The following LAMA4 variants were observed in gnomAD, a reference collection of about 807,000 sequenced individuals.
The protein encoded by LAMA4 is laminin subunit alpha 4.
A neutral mutation model predicts 207.1 loss-of-function variants in LAMA4; 127 were observed. That is an observed-to-expected ratio of 0.61 (90% CI 0.53 to 0.71). The LOEUF is 0.71. Among genes scored for constraint, LAMA4 ranks in the 30% least tolerant of loss-of-function variants. The pLI is 0.00. For missense variants in LAMA4, 2,093 were observed against 2,246.5 expected, an observed-to-expected ratio of 0.93 and a Z score of 1.38; for synonymous variants, 761 against 816.0, an observed-to-expected ratio of 0.93 and a Z score of 1.15.
intron 2 of LAMA4, among the ~76,000 whole-genome samples, chr6:112,230,998 G>A (rs1785527172): frequency 6.6e-6 from 1 of 152,216 alleles, no homozygotes; most frequent in South Asian, 2.1e-4. Flanking sequence ...GCTTCTTGAT[G>A]AGGATGATGA....
chr6:112,173,641 G>A (rs1008981745), intron 11 of LAMA4, among the ~76,000 whole-genome samples: 1 of 152,196 alleles, frequency 6.6e-6, no homozygotes, highest in Non-Finnish European at 1.5e-5. Flanking sequence ...GTCTGACTCA[G>A]AACTGGGGCC....
At chr6:112,180,504 C>T (rs1238148161) in intron 9 of LAMA4, among the ~76,000 whole-genome samples, 9 of 152,082 alleles carry the variant, frequency 5.9e-5, no homozygotes, top group East Asian at 3.9e-4. Context: ...AGGTGCGCCT[C>T]GGTTTAAGAA....
intron 5 of LAMA4, among the ~76,000 whole-genome samples, chr6:112,194,770 CA>C (rs2114977291): frequency 6.6e-6 from 1 of 152,186 alleles, no homozygotes; most frequent in Non-Finnish European, 1.5e-5. Context: ...GAACTAACAA[CA>C]AAGACACAAA....
chr6:112,143,780 T>G (rs182306461), intron 19 of LAMA4, among the ~76,000 whole-genome samples: 1 of 152,330 alleles, frequency 6.6e-6, no homozygotes, highest in African/African-American at 2.4e-5. Context: ...AAAGTCATAC[T>G]CTTTATAGAA....
rs369366187 is a variant in LAMA4 at position 112,117,720 on chromosome 6, T to C, written c.4981+19A>G. 31 of 1,608,566 alleles carry C rather than the reference T, an allele frequency of 1.9e-5. No homozygotes were observed. The highest frequency in any genetic ancestry group is 2.5e-5 in the Non-Finnish European group (29 of 1,175,578). The stretch of plus-strand genomic sequence containing the variant: ...AAGAAGCATTTCATGACTCATATTT[T>C]TAACATGACTAATGTTACCTAGAAC... On this transcript the variant is annotated intron_variant, in intron 35 of 38. Transcript: ENST00000230538. The surrounding 1 kb of genome is among the most constrained non-coding windows in gnomAD (Gnocchi z 4.5).
chr6:112,189,250 C>T (rs782639347), intron 6 of LAMA4, 45 bp from the exon 7 acceptor site: 31 of 1,345,138 alleles, frequency 2.3e-5, no homozygotes, highest in Non-Finnish European at 3.3e-5. Context: ...CTTCTTAATG[C>T]TTAAAATATG....
Position 112,219,932 on chromosome 6 carries a change from C to G in LAMA4, c.196-3463G>C, listed in dbSNP as rs148646716. On this transcript the variant is annotated intron_variant, in intron 2 of 38. Transcript: ENST00000230538. ...CTTCATTTTTTCCCTCAAGTTTTAG[C>G]TCTTAACCATCTTGCGTGCCATTAA... Among the ~76,000 whole-genome samples, 1,050 of 152,230 alleles carry G rather than the reference C, an allele frequency of 6.9e-3. 10 individuals are homozygous for G. Among genetic ancestry groups the G allele is most frequent in the South Asian group, 0.033 (161 of 4,820 alleles).
At position 112,132,822 on chromosome 6, in the gene LAMA4, A is replaced by G. The variant is rs1242970201; in HGVS notation, c.3765T>C (p.Asp1255=). ...GGAAATTAAAACCTCCTTCAAAGCC[A>G]TCAAAGAAAGATATTTTCTGAATTG... The part of the protein sequence containing the change: ...IASIQKISFF[D]GFEGGFNFRT... The change falls in exon 28 of 39, where the codon GAT becomes GAC. Residue 1255 remains aspartate (D), a synonymous_variant. Coordinates refer to ENST00000230538, the MANE Select transcript of LAMA4 (RefSeq NM_001105206.3). The G allele has an allele frequency of 1.2e-6, 2 of 1,612,644 alleles. No homozygotes were observed. Among genetic ancestry groups the G allele is most frequent in the East Asian group, 2.2e-5 (1 of 44,858 alleles).
intron 2 of LAMA4, among the ~76,000 whole-genome samples, chr6:112,223,086 G>T (rs1477448061): frequency 1.3e-5 from 2 of 151,980 alleles, no homozygotes; most frequent in African/African-American, 4.8e-5. Context: ...TTTCTGCTCT[G>T]GGTTCATCTC....
chr6:112,220,001 C>T (rs1400790449), intron 2 of LAMA4, among the ~76,000 whole-genome samples: 1 of 152,032 alleles, frequency 6.6e-6, no homozygotes, highest in African/African-American at 2.4e-5. Context: ...AGGTTATTTC[C>T]AAATTTTTGC....
At chr6:112,119,830 A>G (rs1554325522) in intron 33 of LAMA4, among the ~76,000 whole-genome samples, 4 of 152,200 alleles carry the variant, frequency 2.6e-5, no homozygotes, top group African/African-American at 9.7e-5. Context: ...ATTACTTGTA[A>G]TGCATGTTAC....
intron 2 of LAMA4, among the ~76,000 whole-genome samples, chr6:112,252,476 C>T (rs1473102574): frequency 2.0e-5 from 3 of 151,996 alleles, no homozygotes; most frequent in Admixed American, 6.5e-5. Flanking sequence ...TCTCTTTAGA[C>T]CTAACAGATA....
rs1781319759 is a variant in LAMA4, at chr6:112,165,277, C to T, written c.1552-1G>A. On this transcript the variant is annotated splice_acceptor_variant, in intron 12 of 38. Coordinates refer to ENST00000230538, the MANE Select transcript of LAMA4 (RefSeq NM_001105206.3). LOFTEE classifies it high-confidence loss of function. Reference sequence around the variant, plus strand: ...GTTCCCTCACTCTTTCCTGTTGTTTCTGCGGGAAGGAAGAGTAAGGGAGAG... The same window carrying T: ...GTTCCCTCACTCTTTCCTGTTGTTTTTGCGGGAAGGAAGAGTAAGGGAGAG... The T allele has an allele frequency of 4.4e-6, 7 of 1,597,446 alleles. No individual in the cohort carries two copies. The highest frequency in any genetic ancestry group is 4.3e-6 in the Non-Finnish European group (5 of 1,164,872).
chr6:112,160,942 A>G (rs1043681104), intron 13 of LAMA4, among the ~76,000 whole-genome samples: 6 of 152,206 alleles, frequency 3.9e-5, no homozygotes, highest in African/African-American at 1.4e-4. Context: ...TCTAAGCATG[A>G]CATCATCAGC....
chr6:112,140,786 C>T lies in LAMA4; in HGVS notation c.2950G>A (p.Val984Ile), dbSNP rs145648026. The T allele has an allele frequency of 1.2e-4, 198 of 1,614,032 alleles. No individual in the cohort carries two copies. In the African/African-American group the frequency reaches 2.3e-3, roughly 19 times the overall value. The change falls in exon 22 of 39, where the codon GTT becomes ATT. Residue 984 changes from valine to isoleucine, a missense_variant. Coordinates refer to ENST00000230538, the MANE Select transcript of LAMA4 (RefSeq NM_001105206.3). ...DLDPEDTVFY[V>I]GGVPSNFKLP... ...TTGAAGTTGGAAGGCACTCCACCAACATAAAACACTGTGTCCTCAGGGTCC... is the reference window on the plus strand; with the variant it reads ...TTGAAGTTGGAAGGCACTCCACCAATATAAAACACTGTGTCCTCAGGGTCC...
chr6:112,143,272 T>G (rs1779812846), intron 19 of LAMA4, among the ~76,000 whole-genome samples: 2 of 150,424 alleles, frequency 1.3e-5, no homozygotes, highest in East Asian at 3.9e-4. Flanking sequence ...ATCAGTTGAG[T>G]AAAAACTAAT....
chr6:112,144,032 A>G (rs1230755476), intron 19 of LAMA4, among the ~76,000 whole-genome samples: 4 of 152,222 alleles, frequency 2.6e-5, no homozygotes, highest in Non-Finnish European at 5.9e-5. Flanking sequence ...TAGTCTGCTC[A>G]GGCCGATTCT....
At chr6:112,112,939 C>T (rs1777789595) in intron 38 of LAMA4, among the ~76,000 whole-genome samples, 1 of 152,104 alleles carries the variant, frequency 6.6e-6, no homozygotes, top group Non-Finnish European at 1.5e-5. Flanking sequence ...CATGTGTCCT[C>T]ACTCACATAC....
intron 2 of LAMA4, among the ~76,000 whole-genome samples, chr6:112,226,614 G>T (rs567077446): frequency 6.6e-6 from 1 of 152,288 alleles, no homozygotes; most frequent in African/African-American, 2.4e-5. Flanking sequence ...CTTCAGAACA[G>T]GGATAGTGTC....
Sources: gnomAD v4.1 joint callset for allele counts (sites outside exome capture counted in the v4.1 genomes callset) on GRCh38, gnomAD v4.1.1 for gene constraint, Gnocchi (gnomAD v3.1) non-coding constraint, MANE v1.5 for transcripts, NCBI Gene and HGNC (gene_info 2026-07-23, HGNC 2026-07-21) for gene names.